The following MAST2 variants were observed in gnomAD, a reference collection of about 807,000 sequenced individuals.
The protein encoded by MAST2 is microtubule associated serine/threonine kinase 2.
Under a neutral mutation model 147.4 loss-of-function variants are expected in MAST2, and 70 were observed. That is an observed-to-expected ratio of 0.47 (90% CI 0.39 to 0.58). MAST2 has a LOEUF of 0.58. MAST2 is among the 20% of genes least tolerant of loss of function. MAST2 has a pLI of 0.00. For synonymous variants in MAST2, 869 were observed against 896.8 expected, an observed-to-expected ratio of 0.97 and a Z score of 0.55; for missense variants, 2,080 against 2,302.3, an observed-to-expected ratio of 0.90 and a Z score of 1.98.
At position 45,998,275 on chromosome 1, in the gene MAST2, G is replaced by A. The variant is rs989509572; in HGVS notation, c.668+476G>A. Among the ~76,000 whole-genome samples, 26 of 152,280 alleles carry A rather than the reference G, an allele frequency of 1.7e-4. 1 individual carries two copies. The highest frequency in any genetic ancestry group is 5.1e-4 in the African/African-American group (21 of 41,560). On this transcript the variant is annotated intron_variant, in intron 6 of 28. Transcript: ENST00000361297. ...TCTCCTTGACTTTGAGCTGGAGTTC[G>A]TTTGGGGGATAAAGACACTACAGGG... is the stretch of plus-strand genomic sequence containing the variant.
chr1:45,927,470 TTC>T (rs1319715338), intron 4 of MAST2, among the ~76,000 whole-genome samples: 1 of 152,210 alleles, frequency 6.6e-6, no homozygotes, highest in East Asian at 1.9e-4. Flanking sequence ...CAGGCGCGTA[TTC>T]TCTTTCTCAG....
chr1:45,882,341 C>G, intron 3 of MAST2, 23 bp from the exon 4 acceptor site: 1 of 1,601,390 alleles, frequency 6.2e-7, no homozygotes, highest in South Asian at 1.1e-5. Flanking sequence ...TTATTTCTAA[C>G]TTGCATATGT....
At chr1:45,978,781 A>T (rs913005909) in intron 5 of MAST2, among the ~76,000 whole-genome samples, 7 of 152,200 alleles carry the variant, frequency 4.6e-5, no homozygotes, top group Non-Finnish European at 8.8e-5. Context: ...AGGATACACA[A>T]TTTCATAGAG....
chr1:45,975,798 G>C (rs538864481), intron 5 of MAST2, among the ~76,000 whole-genome samples: 1 of 152,034 alleles, frequency 6.6e-6, no homozygotes, highest in East Asian at 1.9e-4. Context: ...CAGTGCTAAA[G>C]GGATGAGGTA....
At chr1:46,015,955 T>C (rs1347575649) in intron 10 of MAST2, among the ~76,000 whole-genome samples, 7 of 152,146 alleles carry the variant, frequency 4.6e-5, no homozygotes, top group Non-Finnish European at 2.9e-5. Context: ...AATCCAGTAG[T>C]ACATCAAAAA....
chr1:45,817,044 A>C (rs1644477572), intron 1 of MAST2, among the ~76,000 whole-genome samples: 1 of 152,164 alleles, frequency 6.6e-6, no homozygotes, highest in Admixed American at 6.5e-5. Flanking sequence ...GAGACAAAAG[A>C]AGAAAAAGAT....
chr1:45,873,530 T>C (rs932748619), intron 3 of MAST2, among the ~76,000 whole-genome samples: 1 of 152,128 alleles, frequency 6.6e-6, no homozygotes, highest in African/African-American at 2.4e-5. Flanking sequence ...GTGTCTTACT[T>C]TAAACTTTTA....
chr1:45,808,182 C>T (rs1644194932), intron 1 of MAST2, among the ~76,000 whole-genome samples: 1 of 152,176 alleles, frequency 6.6e-6, no homozygotes, highest in South Asian at 2.1e-4. Context: ...GTGCTTCTCT[C>T]TGTATCTTTC....
At chr1:45,918,727 C>A (rs140979854) in intron 4 of MAST2, among the ~76,000 whole-genome samples, 51 of 152,244 alleles carry the variant, frequency 3.3e-4, no homozygotes, top group African/African-American at 1.2e-3. Flanking sequence ...CATGAGCCAC[C>A]ACTACTGGCC....
chr1:45,940,448 C>A (rs575618873), intron 4 of MAST2, among the ~76,000 whole-genome samples: 62 of 151,784 alleles, frequency 4.1e-4, no homozygotes, highest in Non-Finnish European at 7.8e-4. Flanking sequence ...TTGTTTGTTG[C>A]TAGAATATAG....
At chr1:45,863,463 A>G (rs773165350) in intron 3 of MAST2, among the ~76,000 whole-genome samples, 1 of 152,240 alleles carries the variant, frequency 6.6e-6, no homozygotes, top group South Asian at 2.1e-4. Flanking sequence ...AGCTCTCACA[A>G]TGAAAGACCA....
At chr1:45,915,069 C>T (rs1160599531) in intron 4 of MAST2, among the ~76,000 whole-genome samples, 4 of 152,100 alleles carry the variant, frequency 2.6e-5, no homozygotes, top group African/African-American at 4.8e-5. Context: ...CAGCTGGGAC[C>T]ACAGGCATGC....
At chr1:45,874,429 C>T (rs184609146) in intron 3 of MAST2, among the ~76,000 whole-genome samples, 51 of 152,166 alleles carry the variant, frequency 3.4e-4, no homozygotes, top group Admixed American at 2.0e-3. Context: ...TAAAGCATTC[C>T]GACTCTCCAT....
In MAST2 at chr1:46,023,833, A is replaced by G. The variant is rs1483568186; in HGVS notation, c.1633A>G (p.Lys545Glu). Residue 545 changes from lysine to glutamate, a missense_variant, in exon 15 of 29, where the codon AAG becomes GAG. Around this residue, in one of 4 missense-constraint regions of MAST2, gnomAD observed 569 missense variants for 642.5 expected, o/e 0.89. Coordinates refer to ENST00000361297, the MANE Select transcript of MAST2 (RefSeq NM_015112.3). The surrounding 1 kb of genome is among the most constrained non-coding windows in gnomAD (Gnocchi z 4.9). ...RQRFAMKKIN[K>E]QNLILRNQIQ... ...GCGCTTTGCCATGAAGAAGATCAACAAGCAGAACCTGATCCTACGGAACCA... is the reference window on the plus strand; with the variant it reads ...GCGCTTTGCCATGAAGAAGATCAACGAGCAGAACCTGATCCTACGGAACCA... 3 of 1,614,076 alleles carry G rather than the reference A, an allele frequency of 1.9e-6. No homozygotes were observed. The highest frequency in any genetic ancestry group is 2.5e-6 in the Non-Finnish European group (3 of 1,180,000).
chr1:45,901,402 A>T (rs1451785847), intron 4 of MAST2, among the ~76,000 whole-genome samples: 1 of 152,192 alleles, frequency 6.6e-6, no homozygotes, highest in East Asian at 1.9e-4. Flanking sequence ...TGGTGACTAT[A>T]GCCTTGTAGT....
chr1:46,034,806 C>T lies in MAST2; in HGVS notation c.4137C>T (p.His1379=), dbSNP rs1231044169. ...CCCAGGCCTTTCCCACAAAGCTTCA[C>T]TTGTCACCTCCCCTGGGCAGGCAAC... is the stretch of plus-strand genomic sequence containing the variant. The part of the protein sequence containing the change: ...HVAQAFPTKL[H]LSPPLGRQLS... The change falls in exon 29 of 29, where the codon CAC becomes CAT. Residue 1379 remains histidine, a synonymous_variant. Coordinates refer to ENST00000361297, the MANE Select transcript of MAST2 (RefSeq NM_015112.3). 5.6e-6 allele frequency: 9 copies of T among 1,614,008 alleles called. No individual in the cohort carries two copies. The highest frequency in any genetic ancestry group is 1.3e-5 in the African/African-American group (1 of 75,058).
intron 1 of MAST2, among the ~76,000 whole-genome samples, chr1:45,809,401 T>C (rs1042867781): frequency 2.0e-5 from 3 of 152,188 alleles, no homozygotes; most frequent in Non-Finnish European, 4.4e-5. Flanking sequence ...CCCAGCACTT[T>C]GGGAGGTTGA....
intron 5 of MAST2, among the ~76,000 whole-genome samples, chr1:45,987,950 C>T (rs991742216): frequency 1.3e-5 from 2 of 151,506 alleles, no homozygotes; most frequent in African/African-American, 4.8e-5. Flanking sequence ...ATATAATTTC[C>T]TTTCTAATAT....
In MAST2 at chr1:46,023,158, C is replaced by CTAGA; in HGVS notation, c.1486-74_1486-71dup. On this transcript the variant is annotated intron_variant, in intron 13 of 28. Transcript: ENST00000361297. The surrounding 1 kb of genome is among the most constrained non-coding windows in gnomAD (Gnocchi z 4.9). ...ACTAGAGCTGACAGCTGAGAAGATGCTAGAGCCACAGCTTCTGCAAGGATA... is the reference window on the plus strand; with the variant it reads ...ACTAGAGCTGACAGCTGAGAAGATGCTAGATAGAGCCACAGCTTCTGCAAGGATA... The CTAGA allele has an allele frequency of 7.2e-7, 1 of 1,390,220 alleles. No homozygotes were observed. The highest frequency in any genetic ancestry group is 1.0e-6 in the Non-Finnish European group (1 of 976,286). 86.1% of individuals were successfully genotyped at this position (1,390,220 alleles called of 1,614,324 possible). A position where few individuals can be genotyped will look rare whatever the true frequency, so the allele number is the denominator to read the frequency against.
Sources: gnomAD v4.1 joint callset for allele counts (sites outside exome capture counted in the v4.1 genomes callset) on GRCh38, gnomAD v4.1.1 for gene constraint, gnomAD v4.1.1 regional missense constraint, Gnocchi (gnomAD v3.1) non-coding constraint, MANE v1.5 for transcripts, NCBI Gene and HGNC (gene_info 2026-07-23, HGNC 2026-07-21) for gene names.